SNX29: variants seen among roughly 807,000 people sequenced by gnomAD.
SNX29 encodes the protein sorting nexin 29.
Under a neutral mutation model 102.1 loss-of-function variants are expected in SNX29, and 78 were observed. The ratio of observed to expected loss-of-function variants is 0.76; its 90% CI spans 0.64 to 0.92. SNX29 has a LOEUF of 0.92. SNX29 is among the 40% of genes least tolerant of loss of function. SNX29 has a pLI of 0.00. For missense variants in SNX29, 1,280 were observed against 1,061.7 expected (o/e 1.21, Z -2.86); for synonymous variants, 580 against 414.5 (o/e 1.40, Z -4.85).
At chr16:12,187,254 G>A (rs2076533505) in intron 13 of SNX29, among the ~76,000 whole-genome samples, 1 of 152,232 alleles carries the variant, frequency 6.6e-6, no homozygotes, top group African/African-American at 2.4e-5. Flanking sequence ...CTCTATGCCT[G>A]GGACTCTGAA....
chr16:12,343,745 C>G (rs1035991304), intron 15 of SNX29, among the ~76,000 whole-genome samples: 2 of 152,006 alleles, frequency 1.3e-5, no homozygotes, highest in African/African-American at 2.4e-5. Context: ...GGGTCCTTGT[C>G]ACACTGATGC....
chr16:12,294,434 C>T (rs923686382), intron 15 of SNX29, among the ~76,000 whole-genome samples: 3 of 152,142 alleles, frequency 2.0e-5, no homozygotes, highest in African/African-American at 7.2e-5. Flanking sequence ...CTGAGAATGG[C>T]CCGGCATGCT....
intron 18 of SNX29, among the ~76,000 whole-genome samples, 164 bp downstream of exon 18, chr16:12,403,693 T>G (rs2084051691): frequency 6.6e-6 from 1 of 152,198 alleles, no homozygotes. Context: ...CGAAGAAGTC[T>G]GTGGCTTTCA....
chr16:12,566,178 A>C (rs2078997468), intron 20 of SNX29, among the ~76,000 whole-genome samples: 1 of 152,202 alleles, frequency 6.6e-6, no homozygotes, highest in Admixed American at 6.5e-5. Context: ...GGCTTTAGGT[A>C]GCCCTTGAAT....
At chr16:12,568,416 T>C in intron 20 of SNX29, 90 bp from the exon 21 acceptor site, 2 of 1,550,354 alleles carry the variant, frequency 1.3e-6, no homozygotes, top group Non-Finnish European at 1.7e-6. Context: ...ATCAGATCCC[T>C]CCTGCCCTCA....
chr16:12,192,699 CATTT>C (rs887667598), intron 13 of SNX29, among the ~76,000 whole-genome samples: 33 of 151,490 alleles, frequency 2.2e-4, no homozygotes, highest in Non-Finnish European at 8.8e-5. Flanking sequence ...AATTTTATTT[CATTT>C]ATTTATTTAT....
chr16:12,265,251 C>T (rs759792242), intron 14 of SNX29, among the ~76,000 whole-genome samples: 4 of 152,186 alleles, frequency 2.6e-5, no homozygotes, highest in Non-Finnish European at 1.5e-5. Context: ...TTTTCACTGT[C>T]AAACTGCTTT....
At chr16:12,380,784 C>CCTA (rs2083079579) in intron 16 of SNX29, among the ~76,000 whole-genome samples, 2 of 60,214 alleles carry the variant, frequency 3.3e-5, no homozygotes, top group Non-Finnish European at 8.1e-5. Context: ...CATCCATCCA[C>CCTA]CCATCCACCC....
chr16:11,979,894 A>G (rs1014391069), intron 1 of SNX29, among the ~76,000 whole-genome samples: 1 of 152,128 alleles, frequency 6.6e-6, no homozygotes, highest in Non-Finnish European at 1.5e-5. Flanking sequence ...CACCTGCCTC[A>G]GCCCCACAAA....
chr16:12,154,975 C>CAA (rs1368885055), intron 13 of SNX29, among the ~76,000 whole-genome samples: 1 of 152,194 alleles, frequency 6.6e-6, no homozygotes, highest in Non-Finnish European at 1.5e-5. Context: ...GGAGAGGACA[C>CAA]AAACATTGAG....
chr16:12,144,089 G>C (rs2054963952), intron 13 of SNX29, among the ~76,000 whole-genome samples: 1 of 152,138 alleles, frequency 6.6e-6, no homozygotes, highest in Non-Finnish European at 1.5e-5. Flanking sequence ...GTTCTAATAA[G>C]CTCCCAGGTG....
intron 18 of SNX29, among the ~76,000 whole-genome samples, chr16:12,404,823 C>T (rs150894175): frequency 9.9e-5 from 15 of 152,278 alleles, no homozygotes; most frequent in African/African-American, 3.1e-4. Flanking sequence ...CTGCAGTAGA[C>T]ACTCTATTCA....
chr16:12,284,877 A>T (rs537472695), intron 15 of SNX29, among the ~76,000 whole-genome samples: 8 of 152,172 alleles, frequency 5.3e-5, no homozygotes, highest in African/African-American at 1.7e-4. Context: ...GATGCGTGCC[A>T]CCACACCCAG....
intron 19 of SNX29, among the ~76,000 whole-genome samples, chr16:12,492,239 G>A (rs528412851): frequency 6.6e-6 from 1 of 152,174 alleles, no homozygotes; most frequent in Non-Finnish European, 1.5e-5. Context: ...GTGTGAGATG[G>A]TATCTCATTG....
At position 12,276,005 on chromosome 16, in the gene SNX29, G is replaced by C. The variant is rs140751778; in HGVS notation, c.1679-1928G>C. ...TCTCCCTGGTTTAAGTGACTCTTCT[G>C]CTTCAGCCCTCCGAGTAGCTGGGAT... On this transcript the variant is annotated intron_variant, in intron 14 of 20. Transcript: ENST00000566228. Among the ~76,000 whole-genome samples, 868 of 147,984 alleles carry C rather than the reference G, an allele frequency of 5.9e-3. 24 individuals carry two copies. Among genetic ancestry groups the C allele is most frequent in the Admixed American group, 0.046 (656 of 14,386 alleles).
intron 14 of SNX29, among the ~76,000 whole-genome samples, chr16:12,243,263 A>G (rs1412526158): frequency 6.6e-6 from 1 of 152,240 alleles, no homozygotes; most frequent in African/African-American, 2.4e-5. Flanking sequence ...ATACTGGGTT[A>G]GGCTTCATGT....
chr16:12,557,990 C>T (rs750308534), intron 20 of SNX29, among the ~76,000 whole-genome samples: 13 of 152,086 alleles, frequency 8.5e-5, no homozygotes, highest in East Asian at 1.9e-4. Context: ...ATTTTAGCCA[C>T]GGTTGGTTGG....
At chr16:12,388,927 A>G (rs1369744032) in intron 16 of SNX29, among the ~76,000 whole-genome samples, 3 of 152,214 alleles carry the variant, frequency 2.0e-5, no homozygotes, top group Admixed American at 1.3e-4. Flanking sequence ...GGCTGGTGTC[A>G]CTAGAGGATC....
At chr16:12,060,461 G>T (rs911592357) in intron 8 of SNX29, among the ~76,000 whole-genome samples, 3 of 152,132 alleles carry the variant, frequency 2.0e-5, no homozygotes, top group Non-Finnish European at 4.4e-5. Flanking sequence ...AATTAGCCGG[G>T]TATGGTGGCT....
Sources: gnomAD v4.1 joint callset for allele counts (sites outside exome capture counted in the v4.1 genomes callset) on GRCh38, gnomAD v4.1.1 for gene constraint, MANE v1.5 for transcripts, NCBI Gene and HGNC (gene_info 2026-07-23, HGNC 2026-07-21) for gene names.